The following GPN1 variants were observed in gnomAD, a reference collection of about 807,000 sequenced individuals.
GPN1 encodes the protein ATP(GTP)-binding protein.
In GPN1, 44 loss-of-function variants were observed where a neutral mutation model predicts 55.9. That is an observed-to-expected ratio of 0.79 (90% CI 0.62 to 1.01). The LOEUF (loss-of-function observed/expected upper bound fraction) is 1.01, where lower values mean the gene tolerates loss of function less well. Among genes scored for constraint, GPN1 ranks in the 50% least tolerant of loss-of-function variants. GPN1 has a pLI of 0.00. For missense variants in GPN1, 466 were observed against 462.8 expected (o/e 1.01, Z -0.06); for synonymous variants, 179 against 162.5 (o/e 1.10, Z -0.77).
At chr2:27,630,094 T>C in intron 2 of GPN1, 142 bp downstream of exon 2, 1 of 596,928 alleles carries the variant, frequency 1.7e-6, no homozygotes, top group Non-Finnish European at 3.1e-6. Flanking sequence ...AAGACCAGCC[T>C]GGCCAAGATG....
chr2:27,631,248 C>G, intron 3 of GPN1, 182 bp downstream of exon 3: 1 of 590,846 alleles, frequency 1.7e-6, no homozygotes, highest in East Asian at 2.8e-5. Flanking sequence ...AGTTTTCTTA[C>G]CATCTCCCCA....
chr2:27,634,971 C>A, intron 6 of GPN1, 47 bp downstream of exon 6: 2 of 1,116,208 alleles, frequency 1.8e-6, no homozygotes, highest in Non-Finnish European at 2.8e-6. Context: ...AGGGGCTAGA[C>A]TGGATGAGCA....
chr2:27,631,351 T>C, intron 3 of GPN1: 1 of 483,114 alleles, frequency 2.1e-6, no homozygotes, highest in Non-Finnish European at 3.7e-6. Context: ...CCTTGGAGGA[T>C]CATCTGTTGG....
chr2:27,647,058 T>TGTTA (rs10692160), intron 12 of GPN1, among the ~76,000 whole-genome samples: 12,927 of 152,230 alleles, frequency 0.085, 1,637 homozygotes, highest in African/African-American at 0.28. Flanking sequence ...GTTGCATAAT[T>TGTTA]GTTAGGCACA....
At chr2:27,635,093 AG>A (rs767688223) in intron 6 of GPN1, 46 bp from the exon 7 acceptor site, 2 of 1,172,958 alleles carry the variant, frequency 1.7e-6, no homozygotes, top group South Asian at 2.5e-5. Context: ...GTTTGAGGAC[AG>A]ATCGTGAGCC....
At chr2:27,649,848 C>T (rs1005794577) in intron 13 of GPN1, among the ~76,000 whole-genome samples, 3 of 152,000 alleles carry the variant, frequency 2.0e-5, no homozygotes, top group African/African-American at 4.8e-5. Flanking sequence ...TTTGTGTAGA[C>T]GTATGTTTTC....
intron 5 of GPN1, among the ~76,000 whole-genome samples, chr2:27,634,242 A>C (rs1048609660): frequency 7.2e-5 from 11 of 152,232 alleles, no homozygotes; most frequent in Admixed American, 6.5e-4. Flanking sequence ...CCAATTAAAA[A>C]AATTCTGATA....
chr2:27,650,338 G>A lies in GPN1; in HGVS notation c.*138G>A. 1.9e-6 allele frequency: 1 copy of A among 531,076 alleles called. No homozygotes were observed. The allele number at this position is 531,076 out of a possible 1,614,324, so 32.9% of individuals were successfully genotyped here. A position where few individuals can be genotyped will look rare whatever the true frequency, so the allele number is the denominator to read the frequency against. On this transcript the variant is annotated 3_prime_UTR_variant, in exon 14 of 14. Transcript: ENST00000610189. ...GAGTAGCAAAGTTTCTCTTATTAGA[G>A]AAATCTTGTGACTCAGATGAAGTCA...
In GPN1 at chr2:27,639,511, C is replaced by CT. The variant is rs78605097; in HGVS notation, c.717+490dup. On this transcript the variant is annotated intron_variant, in intron 9 of 13. Transcript: ENST00000610189. ...CTGTTAATTGTTCAGTCCTAATTAT[C>CT]TTTTTTTTTTCTTTTTTCCCTTTGG... Among the ~76,000 whole-genome samples, 28 of 150,034 alleles carry CT rather than the reference C, an allele frequency of 1.9e-4. No homozygotes were observed. In the East Asian group the frequency reaches 2.5e-3, roughly 14 times the overall value.
In GPN1 at chr2:27,643,545, G is replaced by T. The variant is rs184258394; in HGVS notation, c.931+1026G>T. Among the ~76,000 whole-genome samples the T allele has an allele frequency of 3.0e-4, 46 of 152,230 alleles. No individual in the cohort carries two copies. Among genetic ancestry groups the T allele is most frequent in the Non-Finnish European group, 5.3e-4 (36 of 68,032 alleles). On this transcript the variant is annotated intron_variant, in intron 12 of 13. Coordinates refer to ENST00000610189, the MANE Select transcript of GPN1 (RefSeq NM_007266.4). The surrounding 1 kb of genome is among the most constrained non-coding windows in gnomAD (Gnocchi z 4.0). ...GCTAACATATAGATCTTATTCAGAT[G>T]TAGCCATTTCCCCATGATAGCAGGA... is the stretch of plus-strand genomic sequence containing the variant.
intron 3 of GPN1, 27 bp from the exon 4 acceptor site, chr2:27,631,807 G>A (rs1340778904): frequency 2.2e-6 from 3 of 1,371,486 alleles, no homozygotes; most frequent in East Asian, 2.3e-5. Context: ...ATCTATAAGC[G>A]ATTTCAGTCC....
chr2:27,647,342 T>A (rs1674285814), intron 12 of GPN1, among the ~76,000 whole-genome samples: 2 of 152,194 alleles, frequency 1.3e-5, no homozygotes. Context: ...GATTTTCTAT[T>A]TTTCCCCTCC....
In GPN1 at chr2:27,650,294, TA is replaced by T. The variant is rs1320406464; in HGVS notation, c.*96del. On this transcript the variant is annotated 3_prime_UTR_variant, in exon 14 of 14. Transcript: ENST00000610189. ...CTTACCTCTGAACTGGGGGCTCCCATAAGGGATAATTTTCCTCAGAGTAGCA... is the reference window on the plus strand; with the variant it reads ...CTTACCTCTGAACTGGGGGCTCCCATAGGGATAATTTTCCTCAGAGTAGCA... 3.0e-6 allele frequency: 2 copies of T among 663,418 alleles called. No individual in the cohort carries two copies. Among genetic ancestry groups the T allele is most frequent in the East Asian group, 2.7e-5 (1 of 36,456 alleles). The allele number at this position is 663,418 out of a possible 1,614,324, so 41.1% of individuals were successfully genotyped here.
chr2:27,635,528 G>A (rs1301834866), intron 7 of GPN1, among the ~76,000 whole-genome samples: 6 of 152,166 alleles, frequency 3.9e-5, no homozygotes, highest in Non-Finnish European at 8.8e-5. Context: ...TAAAATCCAA[G>A]TTTAAAGATA....
intron 12 of GPN1, 104 bp downstream of exon 12, chr2:27,642,623 C>A: frequency 2.8e-6 from 2 of 725,416 alleles, no homozygotes; most frequent in African/African-American, 1.8e-5. Flanking sequence ...GTTGCCCAGG[C>A]TGGAGTCTCG....
rs1186030902 is a variant in GPN1, at chr2:27,649,837, C to CT, written c.1040-275dup. Among the ~76,000 whole-genome samples the CT allele has an allele frequency of 3.3e-5, 5 of 152,224 alleles. No individual in the cohort carries two copies. The Middle Eastern group carries it at 0.017, about 518-fold the overall frequency. On this transcript the variant is annotated intron_variant, in intron 13 of 13. Transcript: ENST00000610189. ...CAACTATAAACGTTTCCAAATAGAT[C>CT]TTTGTGTAGACGTATGTTTTCATTT...
At chr2:27,648,982 C>T (rs945246471) in intron 13 of GPN1, among the ~76,000 whole-genome samples, 4 of 151,352 alleles carry the variant, frequency 2.6e-5, no homozygotes, top group African/African-American at 4.8e-5. Flanking sequence ...CGGTGGCTCA[C>T]GTCTGTAATC....
chr2:27,642,219 A>G (rs984356684), intron 11 of GPN1: 13 of 508,180 alleles, frequency 2.6e-5, no homozygotes, highest in Non-Finnish European at 4.3e-5. Context: ...AACCCTCTAA[A>G]TCAGTCTGCA....
At chr2:27,644,977 A>AT (rs1200021653) in intron 12 of GPN1, among the ~76,000 whole-genome samples, 3 of 151,346 alleles carry the variant, frequency 2.0e-5, no homozygotes, top group Non-Finnish European at 4.4e-5. Flanking sequence ...TTATTTATTT[A>AT]TTTTTTTTGA....
Sources: allele counts gnomAD v4.1 joint callset (sites outside exome capture counted in the v4.1 genomes callset), GRCh38; gene constraint gnomAD v4.1.1; non-coding constraint Gnocchi (gnomAD v3.1); transcripts MANE v1.5; gene names NCBI Gene and HGNC (gene_info 2026-07-23, HGNC 2026-07-21).